The following RANBP2 variants were observed in gnomAD, a reference collection of about 807,000 sequenced individuals.
The protein encoded by RANBP2 is RAN binding protein 2.
A neutral mutation model predicts 303.6 loss-of-function variants in RANBP2; 57 were observed. The observed-to-expected ratio is 0.19, with a 90% CI of 0.15 to 0.23. The LOEUF is 0.23. Ranked by LOEUF, RANBP2 falls within the 10% of genes least tolerant of loss-of-function variation. The pLI is 1.00. For missense variants in RANBP2, 3,138 were observed against 3,780.8 expected, an observed-to-expected ratio of 0.83 and a Z score of 4.46; for synonymous variants, 1,167 against 1,301.5, an observed-to-expected ratio of 0.90 and a Z score of 2.23.
the RANBP2 span, among the ~76,000 whole-genome samples, chr2:108,933,298 A>C: frequency 6.6e-6 from 1 of 152,260 alleles, no homozygotes; most frequent in East Asian, 1.9e-4. Context: ...GGGAACATTC[A>C]CTTTTTATTT....
At chr2:108,947,156 G>A in the RANBP2 span, among the ~76,000 whole-genome samples, 7 of 152,204 alleles carry the variant, frequency 4.6e-5, no homozygotes, top group South Asian at 4.2e-4. Context: ...AAACCTGGCC[G>A]GGCAGTCATT....
the RANBP2 span, among the ~76,000 whole-genome samples, chr2:109,089,765 G>A: frequency 1.3e-5 from 2 of 152,120 alleles, no homozygotes; most frequent in Non-Finnish European, 2.9e-5. Context: ...AGGCCTGGGA[G>A]GTCATTTCCT....
chr2:109,209,701 A>T, the RANBP2 span, among the ~76,000 whole-genome samples: 1 of 151,524 alleles, frequency 6.6e-6, no homozygotes, highest in African/African-American at 2.5e-5. Flanking sequence ...GAGTCACTAC[A>T]AAATGTAGCT....
At chr2:109,331,086 C>A in the RANBP2 span, among the ~76,000 whole-genome samples, 14 of 152,318 alleles carry the variant, frequency 9.2e-5, no homozygotes, top group Admixed American at 7.2e-4. Context: ...CTTTTCCTTC[C>A]AGCATAGCAG....
At chr2:109,081,583 T>C in the RANBP2 span, among the ~76,000 whole-genome samples, 118 of 152,322 alleles carry the variant, frequency 7.7e-4, no homozygotes, top group African/African-American at 2.8e-3. Flanking sequence ...GGGGACTGCC[T>C]GTCGCTTGTG....
chr2:108,729,054 A>G lies in RANBP2; in HGVS notation c.73-78A>G, dbSNP rs890344821. 1.2e-5 allele frequency: 18 copies of G among 1,476,806 alleles called. No homozygotes were observed. In the African/African-American group the frequency reaches 1.9e-4, roughly 16 times the overall value. 91.5% of individuals were successfully genotyped at this position (1,476,806 alleles called of 1,614,324 possible). A position where few individuals can be genotyped will look rare whatever the true frequency, so the allele number is the denominator to read the frequency against. Reference sequence around the variant, plus strand: ...TGGCGTATTTGAACATCAACTTAGGACAGATTTTTACTACTTTTGAAAAAA... The same window carrying G: ...TGGCGTATTTGAACATCAACTTAGGGCAGATTTTTACTACTTTTGAAAAAA... On this transcript the variant is annotated intron_variant, in intron 1 of 28. Transcript: ENST00000283195.
At chr2:108,876,321 C>T in the RANBP2 span, 2 of 837,360 alleles carry the variant, frequency 2.4e-6, no homozygotes, top group Admixed American at 2.6e-5. Flanking sequence ...ACCAAAGTAA[C>T]TACAATTCTA....
chr2:109,261,796 T>A, the RANBP2 span, among the ~76,000 whole-genome samples: 3 of 152,196 alleles, frequency 2.0e-5, no homozygotes, highest in Non-Finnish European at 4.4e-5. Flanking sequence ...GGGAGGTGGG[T>A]CACCCTACTG....
At chr2:109,398,829 C>T in the RANBP2 span, 1 of 1,613,928 alleles carries the variant, frequency 6.2e-7, no homozygotes, top group South Asian at 1.1e-5. Context: ...CCCAGGCTGC[C>T]AGCCACAGGC....
the RANBP2 span, among the ~76,000 whole-genome samples, chr2:109,223,997 G>A: frequency 1.3e-5 from 2 of 152,116 alleles, no homozygotes; most frequent in East Asian, 1.9e-4. Flanking sequence ...GTGAGACTCC[G>A]TCTCAAAAAC....
At chr2:109,501,646 C>T in the RANBP2 span, 2 of 773,726 alleles carry the variant, frequency 2.6e-6, no homozygotes, top group Non-Finnish European at 4.8e-6. Flanking sequence ...GGCCTCTTCC[C>T]GGGCAGCTTC....
chr2:109,411,513 G>A, the RANBP2 span, among the ~76,000 whole-genome samples: 1 of 152,178 alleles, frequency 6.6e-6, no homozygotes, highest in Non-Finnish European at 1.5e-5. Context: ...ATTGCTGCTC[G>A]TTTGCATCCG....
the RANBP2 span, chr2:109,432,790 A>C: frequency 1.3e-5 from 18 of 1,357,282 alleles, no homozygotes; most frequent in Non-Finnish European, 1.6e-5. Flanking sequence ...CAAGGCCACC[A>C]GTGCCCAGGG....
the RANBP2 span, among the ~76,000 whole-genome samples, chr2:109,214,863 C>A: frequency 6.6e-6 from 1 of 152,288 alleles, no homozygotes; most frequent in East Asian, 1.9e-4. Flanking sequence ...GTGACGCGGA[C>A]AGCAGTGTTT....
the RANBP2 span, among the ~76,000 whole-genome samples, chr2:109,135,323 G>A: frequency 6.6e-6 from 1 of 152,220 alleles, no homozygotes; most frequent in Non-Finnish European, 1.5e-5. Flanking sequence ...ACACGTGGAA[G>A]GAGGGGAAGG....
At chr2:109,438,075 T>C in the RANBP2 span, among the ~76,000 whole-genome samples, 3 of 152,356 alleles carry the variant, frequency 2.0e-5, no homozygotes, top group South Asian at 2.1e-4. Flanking sequence ...ATATACTATT[T>C]CTTAGACTAA....
At chr2:109,077,410 T>C in the RANBP2 span, among the ~76,000 whole-genome samples, 1 of 150,588 alleles carries the variant, frequency 6.6e-6, no homozygotes, top group Non-Finnish European at 1.5e-5. Context: ...GCAATGATTT[T>C]TTTGGATATA....
At chr2:109,306,880 C>G in the RANBP2 span, among the ~76,000 whole-genome samples, 1 of 152,152 alleles carries the variant, frequency 6.6e-6, no homozygotes, top group Non-Finnish European at 1.5e-5. Flanking sequence ...CTTGGTTCAA[C>G]GGGTGTGCGG....
At chr2:109,524,576 G>T in the RANBP2 span, among the ~76,000 whole-genome samples, 3 of 151,674 alleles carry the variant, frequency 2.0e-5, no homozygotes, top group African/African-American at 7.3e-5. Flanking sequence ...GGCCAACATG[G>T]TGAAACCCTG....
Sources: allele counts gnomAD v4.1 joint callset (sites outside exome capture counted in the v4.1 genomes callset), GRCh38; gene constraint gnomAD v4.1.1; transcripts MANE v1.5; gene names NCBI Gene and HGNC (gene_info 2026-07-23, HGNC 2026-07-21).